Variants in PIK3R3 observed in about 807,000 individuals in gnomAD.
PIK3R3 encodes the protein phosphatidylinositol 3-kinase regulatory subunit gamma.
In PIK3R3, 64 loss-of-function variants were observed where a neutral mutation model predicts 62.9. The observed-to-expected ratio is 1.02, with a 90% CI of 0.83 to 1.25. The LOEUF is 1.25. Among genes scored for constraint, PIK3R3 ranks in the 50% most tolerant of loss-of-function variants. The probability of loss-of-function intolerance (pLI) is 0.00; values close to 1 mark genes in which losing one functional copy is unlikely to be tolerated. For synonymous variants in PIK3R3, 165 were observed against 189.0 expected, an observed-to-expected ratio of 0.87 and a Z score of 1.04; for missense variants, 614 against 561.6, an observed-to-expected ratio of 1.09 and a Z score of -0.94.
intron 1 of PIK3R3, among the ~76,000 whole-genome samples, chr1:46,116,219 A>G (rs1163794789): frequency 6.6e-6 from 1 of 152,052 alleles, no homozygotes; most frequent in Non-Finnish European, 1.5e-5. Context: ...TATCAATAAT[A>G]ATGAAAATAG....
the PIK3R3 span, among the ~76,000 whole-genome samples, chr1:46,164,635 C>T: frequency 6.6e-6 from 1 of 152,094 alleles, no homozygotes; most frequent in Non-Finnish European, 1.5e-5. Flanking sequence ...GTCTCAACAA[C>T]AACAAAAAAA....
intron 1 of PIK3R3, among the ~76,000 whole-genome samples, chr1:46,099,324 T>G (rs1239289695): frequency 6.6e-6 from 1 of 152,172 alleles, no homozygotes; most frequent in African/African-American, 2.4e-5. Flanking sequence ...CTAGTACAAT[T>G]TTTTATATGA....
At chr1:46,132,968 G>C, upstream of PIK3R3, 1 of 1,110,526 alleles carries the variant, frequency 9.0e-7, no homozygotes, top group Non-Finnish European at 1.1e-6. Context: ...GGGAGCACGC[G>C]AGCCAGGCGA....
At position 46,080,656 on chromosome 1, in the gene PIK3R3, C is replaced by G. The variant is rs371877002; in HGVS notation, c.201G>C (p.Trp67Cys). 3.1e-6 allele frequency: 5 copies of G among 1,601,818 alleles called. No homozygotes were observed. The Admixed American group carries it at 5.0e-5, about 16-fold the overall frequency. Residue 67 changes from tryptophan to cysteine, a missense_variant, in exon 2 of 10, where the codon TGG becomes TGC. Coordinates refer to ENST00000262741, the MANE Select transcript of PIK3R3 (RefSeq NM_003629.4). The part of the protein sequence containing the change: ...SVSLQDAEWY[W>C]GDISREEVND... The stretch of plus-strand genomic sequence containing the variant: ...ATTCTAGTTACCTTGAAATATCCCC[C>G]CAGTACCATTCTGCATCCTGAAGAG...
At chr1:46,174,102 G>A in the PIK3R3 span, among the ~76,000 whole-genome samples, 1 of 152,150 alleles carries the variant, frequency 6.6e-6, no homozygotes, top group East Asian at 1.9e-4. Flanking sequence ...TACATATATC[G>A]TGTGGGGATC....
At chr1:46,045,367 GCA>G (rs1647081360) in intron 9 of PIK3R3, among the ~76,000 whole-genome samples, 1 of 152,108 alleles carries the variant, frequency 6.6e-6, no homozygotes, top group Non-Finnish European at 1.5e-5. Flanking sequence ...TCTGACTGAA[GCA>G]CAGTTAGTTA....
chr1:46,126,976 T>G (rs904923837), intron 1 of PIK3R3, among the ~76,000 whole-genome samples: 1 of 152,114 alleles, frequency 6.6e-6, no homozygotes, highest in Non-Finnish European at 1.5e-5. Flanking sequence ...CTTTCCTATA[T>G]TCATGTTTTG....
intron 5 of PIK3R3, among the ~76,000 whole-genome samples, chr1:46,064,561 A>G (rs1368277086): frequency 6.6e-6 from 1 of 152,208 alleles, no homozygotes; most frequent in Non-Finnish European, 1.5e-5. Flanking sequence ...CAATAATAAA[A>G]TAAAATTTAG....
chr1:46,112,127 T>G (rs1223803396), intron 1 of PIK3R3, among the ~76,000 whole-genome samples: 1 of 152,234 alleles, frequency 6.6e-6, no homozygotes, highest in Non-Finnish European at 1.5e-5. Context: ...AATACACCTT[T>G]ACACCTTTCT....
At chr1:46,081,908 A>T (rs1218810150) in intron 1 of PIK3R3, among the ~76,000 whole-genome samples, 1 of 152,174 alleles carries the variant, frequency 6.6e-6, no homozygotes, top group African/African-American at 2.4e-5. Flanking sequence ...CACTGACCAA[A>T]TCTGGAACAG....
intron 6 of PIK3R3, among the ~76,000 whole-genome samples, chr1:46,059,564 C>T (rs1444158425): frequency 6.6e-6 from 1 of 152,168 alleles, no homozygotes; most frequent in Non-Finnish European, 1.5e-5. Context: ...CCTGTAATCC[C>T]AGCACTTTGG....
chr1:46,089,981 A>G (rs1470808770), intron 1 of PIK3R3, among the ~76,000 whole-genome samples: 2 of 152,198 alleles, frequency 1.3e-5, no homozygotes, highest in Non-Finnish European at 2.9e-5. Flanking sequence ...GGGAGGTAAA[A>G]CACCAGAAGA....
rs933411277 is a variant in PIK3R3 at position 46,046,151 on chromosome 1, A to C, written c.1017-63T>G. On this transcript the variant is annotated intron_variant, in intron 8 of 9. Transcript: ENST00000262741. ...ACTTCTATCTAAAAGCAAATTCATA[A>C]ATAAAACACTCTTCTAAATCTTTAA... 9.3e-5 allele frequency: 89 copies of C among 956,250 alleles called. 1 individual carries two copies. The highest frequency in any genetic ancestry group is 1.3e-4 in the Non-Finnish European group (81 of 632,662). 59.2% of individuals were successfully genotyped at this position (956,250 alleles called of 1,614,324 possible).
intron 3 of PIK3R3, among the ~76,000 whole-genome samples, chr1:46,074,286 C>CAAAAAAAAAAAAAAAAAAAAAAAAAA (rs1179172400): frequency 4.8e-5 from 1 of 20,826 alleles, no homozygotes; most frequent in Non-Finnish European, 8.7e-5. Context: ...TAGACTCCGT[C>CAAAAAAAAAAAAAAAAAAAAAAAAAA]AAAAAAAAAA....
At chr1:46,125,946 G>A (rs1029183141) in intron 1 of PIK3R3, among the ~76,000 whole-genome samples, 17 of 151,920 alleles carry the variant, frequency 1.1e-4, no homozygotes, top group African/African-American at 4.1e-4. Context: ...ATTTTTAGTA[G>A]AGATAGGGTT....
chr1:46,145,374 A>ATT, the PIK3R3 span, among the ~76,000 whole-genome samples: 135 of 140,174 alleles, frequency 9.6e-4, no homozygotes, highest in African/African-American at 2.1e-3. Flanking sequence ...AACTTTTTAA[A>ATT]AAAAAAAAAA....
At chr1:46,077,383 G>T in intron 3 of PIK3R3, 132 bp downstream of exon 3, 1 of 462,322 alleles carries the variant, frequency 2.2e-6, no homozygotes, top group South Asian at 4.2e-5. Flanking sequence ...AGCCAGACTG[G>T]AAATTATGTA....
At chr1:46,057,305 C>G (rs1294326118) in intron 6 of PIK3R3, 2 of 152,330 alleles carry the variant, frequency 1.3e-5, no homozygotes, top group Admixed American at 1.3e-4. Flanking sequence ...TAAGCCTCTT[C>G]CTTTTGTAAA....
intron 5 of PIK3R3, 42 bp from the exon 6 acceptor site, chr1:46,062,113 T>C (rs1648556808): frequency 1.3e-6 from 2 of 1,541,544 alleles, no homozygotes; most frequent in Non-Finnish European, 8.7e-7. Context: ...TCATTATCTT[T>C]ATTATTTTCT....
Sources: gnomAD v4.1 joint callset for allele counts (sites outside exome capture counted in the v4.1 genomes callset) on GRCh38, gnomAD v4.1.1 for gene constraint, MANE v1.5 for transcripts, NCBI Gene and HGNC (gene_info 2026-07-23, HGNC 2026-07-21) for gene names.